The following LTK variants were observed in gnomAD, a reference collection of about 807,000 sequenced individuals.
LTK encodes leukocyte receptor tyrosine kinase.
Under a neutral mutation model 101.5 loss-of-function variants are expected in LTK, and 117 were observed. That is an observed-to-expected ratio of 1.15 (90% CI 0.99 to 1.34). LTK has a LOEUF of 1.34. Ranked by LOEUF, LTK falls within the 40% of genes most tolerant of loss-of-function variation. The pLI, the probability that LTK is intolerant of heterozygous loss-of-function variation, is 0.00. For missense variants in LTK, 1,252 were observed against 1,164.7 expected, an observed-to-expected ratio of 1.07 and a Z score of -1.09; for synonymous variants, 563 against 494.2, an observed-to-expected ratio of 1.14 and a Z score of -1.85.
At chr15:41,507,773 C>G (rs1362936853) in intron 9 of LTK, 116 bp from the exon 10 acceptor site, 7 of 1,180,896 alleles carry the variant, frequency 5.9e-6, no homozygotes, top group Non-Finnish European at 8.2e-6. Context: ...ATGCCTTCCC[C>G]CATTATCCTG....
At chr15:41,507,041 T>G in intron 11 of LTK, 54 bp downstream of exon 11, 1 of 1,518,958 alleles carries the variant, frequency 6.6e-7, no homozygotes, top group Non-Finnish European at 9.0e-7. Flanking sequence ...AGGGAGAGAA[T>G]CAGAGGTGGG....
At chr15:41,510,654 G>A (rs183260207) in intron 7 of LTK, among the ~76,000 whole-genome samples, 2 of 152,202 alleles carry the variant, frequency 1.3e-5, no homozygotes, top group Non-Finnish European at 2.9e-5. Flanking sequence ...TACAGACAGG[G>A]TTTCACAGGT....
chr15:41,509,239 A>G (rs1391977376), intron 7 of LTK, 110 bp from the exon 8 acceptor site: 3 of 738,662 alleles, frequency 4.1e-6, no homozygotes, highest in Non-Finnish European at 7.3e-6. Context: ...CAGCATCATG[A>G]TGCAAATGCT....
rs775797071 is a variant in LTK at position 41,509,128 on chromosome 15, C to G, written c.999G>C (p.Gly333=). 1 of 1,601,118 alleles carries G rather than the reference C, an allele frequency of 6.2e-7. No individual in the cohort carries two copies. The highest frequency in any genetic ancestry group is 1.1e-5 in the South Asian group (1 of 90,822). Reference sequence around the variant, plus strand: ...GGTTGTCAGTCTCTGAAGCGTCGCCCCCTGGAAGTGGAGAGTGATGGAGAG... The same window carrying G: ...GGTTGTCAGTCTCTGAAGCGTCGCCGCCTGGAAGTGGAGAGTGATGGAGAG... ...TAGGGGGGYR[G]GDASETDNLW... is the part of the protein sequence containing the mutation. Residue 333 remains glycine (G), a splice_region_variant and synonymous_variant, in exon 8 of 20, where the codon GGG becomes GGC. Coordinates refer to ENST00000263800, the MANE Select transcript of LTK (RefSeq NM_002344.6).
At chr15:41,510,286 G>A (rs544116642) in intron 7 of LTK, among the ~76,000 whole-genome samples, 1 of 152,090 alleles carries the variant, frequency 6.6e-6, no homozygotes, top group Non-Finnish European at 1.5e-5. Context: ...GATTACAGGC[G>A]TGAGCCACCG....
rs2140728150 is a variant in LTK at position 41,511,247 on chromosome 15, GC to G, written c.913del (p.Ala305ArgfsTer69). Reference sequence around the variant, plus strand: ...GCCGGCCGCGGCCCAGCCAAGGGTCGCCCAAGCCTCGGAGCAGCCCTGGCCG... The same window carrying G: ...GCCGGCCGCGGCCCAGCCAAGGGTCGCCAAGCCTCGGAGCAGCCCTGGCCG... ...EGGQGCSEAW[A>X]TLGWAAAGGF... On this transcript the variant is annotated frameshift_variant, in exon 7 of 20. Coordinates refer to ENST00000263800, the MANE Select transcript of LTK (RefSeq NM_002344.6). LOFTEE classifies it high-confidence loss of function. This position sits in a 1 kb window ranked among gnomAD's most constrained non-coding sequence, Gnocchi z 5.9. 7.0e-7 allele frequency: 1 copy of G among 1,423,112 alleles called. No homozygotes were observed. The highest frequency in any genetic ancestry group is 9.2e-7 in the Non-Finnish European group (1 of 1,092,240). The allele number at this position is 1,423,112 out of a possible 1,614,324, so 88.2% of individuals were successfully genotyped here.
Position 41,513,755 on chromosome 15 carries a change from A to G in LTK, c.-46T>C, listed in dbSNP as rs372897286. ...AACAAAAGCCCTTGCGGTCGCGGCC[A>G]CACCCCTGTCAACCTAAAGTTGACA... On this transcript the variant is annotated 5_prime_UTR_variant, in exon 1 of 20. Coordinates refer to ENST00000263800, the MANE Select transcript of LTK (RefSeq NM_002344.6). 316 of 1,563,384 alleles carry G rather than the reference A, an allele frequency of 2.0e-4. No homozygotes were observed. Among genetic ancestry groups the G allele is most frequent in the Non-Finnish European group, 2.7e-4 (310 of 1,134,464 alleles).
chr15:41,511,193 G>C lies in LTK; in HGVS notation c.968C>G (p.Thr323Ser). 7.1e-7 allele frequency: 1 copy of C among 1,409,148 alleles called. No individual in the cohort carries two copies. Among genetic ancestry groups the C allele is most frequent in the South Asian group, 1.6e-5 (1 of 64,244 alleles). 87.3% of individuals were successfully genotyped at this position (1,409,148 alleles called of 1,614,324 possible). ...GTAGCCGCCGCCGCCTCCGCCCGCA[G>C]TGCAGGCCCCGCCGCCGCCCCCGAA... ...GGFGGGGGACTAGGGGGGYRG... is the reference protein window; with the variant it reads ...GGFGGGGGACSAGGGGGGYRG... Residue 323 changes from threonine (T) to serine (S), a missense_variant, in exon 7 of 20, where the codon ACT (threonine) becomes AGT (serine). Transcript: ENST00000263800. The surrounding 1 kb of genome is among the most constrained non-coding windows in gnomAD (Gnocchi z 5.9).
Position 41,511,693 on chromosome 15 carries a change from C to T in LTK, c.658-115G>A. ...ATAAGGGCAGGGGCCCCCAGCCCAG[C>T]CCAGGCCAGCCCAGCCCAGCGCAGG... On this transcript the variant is annotated intron_variant, in intron 5 of 19. Transcript: ENST00000263800. This position sits in a 1 kb window ranked among gnomAD's most constrained non-coding sequence, Gnocchi z 5.9. 7.2e-7 allele frequency: 1 copy of T among 1,397,088 alleles called. No individual in the cohort carries two copies. The highest frequency in any genetic ancestry group is 9.3e-7 in the Non-Finnish European group (1 of 1,076,394). 86.5% of individuals were successfully genotyped at this position (1,397,088 alleles called of 1,614,324 possible).
At chr15:41,510,321 C>T (rs1566871921) in intron 7 of LTK, among the ~76,000 whole-genome samples, 1 of 151,700 alleles carries the variant, frequency 6.6e-6, no homozygotes, top group Non-Finnish European at 1.5e-5. Context: ...TAGCGATTTT[C>T]AAGAATACAT....
chr15:41,508,068 C>A lies in LTK; in HGVS notation c.1249+1G>T, dbSNP rs1309526870. The A allele has an allele frequency of 3.1e-6, 5 of 1,599,670 alleles. No homozygotes were observed. ...AGACCTTGGGCAAAGGTAGGACATA[C>A]CCATGCAGGTGACGTTATCCACAGC... On this transcript the variant is annotated splice_donor_variant, in intron 9 of 19. Transcript: ENST00000263800. LOFTEE classifies it high-confidence loss of function.
chr15:41,513,530 A>G (rs1309421526), intron 1 of LTK, 137 bp downstream of exon 1: 4 of 805,080 alleles, frequency 5.0e-6, no homozygotes, highest in Non-Finnish European at 8.6e-6. Flanking sequence ...CTCCAGAAGC[A>G]CGGACCGGAG....
intron 16 of LTK, 28 bp downstream of exon 16, chr15:41,504,944 G>A (rs780084431): frequency 3.7e-6 from 6 of 1,600,252 alleles, no homozygotes; most frequent in Non-Finnish European, 4.3e-6. Context: ...CTTGGAGCAA[G>A]AGCCTTCCCA....
chr15:41,509,228 C>G (rs2051380126), intron 7 of LTK, 99 bp from the exon 8 acceptor site: 8 of 768,180 alleles, frequency 1.0e-5, no homozygotes, highest in Non-Finnish European at 4.7e-6. Flanking sequence ...CCTCTCTTCT[C>G]CAGCATCATG....
chr15:41,508,200 A>G lies in LTK; in HGVS notation c.1118T>C (p.Val373Ala). Residue 373 changes from valine to alanine, a missense_variant, in exon 9 of 20, where the codon GTA becomes GCA. Coordinates refer to ENST00000263800, the MANE Select transcript of LTK (RefSeq NM_002344.6). ...PLAVTENHGEVEIRRHLNCSH... is the reference protein window; with the variant it reads ...PLAVTENHGEAEIRRHLNCSH... ...GCAGTTGAGGTGCCTTCGGATCTCT[A>G]CCTCTCCGTGGTTCTCGGTGACTGT... 1 of 1,603,624 alleles carries G rather than the reference A, an allele frequency of 6.2e-7. No individual in the cohort carries two copies. The highest frequency in any genetic ancestry group is 8.5e-7 in the Non-Finnish European group (1 of 1,175,092).
rs776463163 is a variant in LTK at position 41,512,715 on chromosome 15, G to C, written c.351C>G (p.Gly117=). The change falls in exon 3 of 20, where the codon GGC becomes GGG. Residue 117 remains glycine (G), a synonymous_variant. Coordinates refer to ENST00000263800, the MANE Select transcript of LTK (RefSeq NM_002344.6). Reference sequence around the variant, plus strand: ...CTCCGCCGTGCACTTACAGATACTGGCCAGGGCCCGGCACGCGCCACAGCT... The same window carrying C: ...CTCCGCCGTGCACTTACAGATACTGCCCAGGGCCCGGCACGCGCCACAGCT... The part of the protein sequence containing the change: ...GVQLWRVPGP[G]QYLISAYGAA... 2 of 1,590,076 alleles carry C rather than the reference G, an allele frequency of 1.3e-6. No homozygotes were observed. Among genetic ancestry groups the C allele is most frequent in the African/African-American group, 2.7e-5 (2 of 74,354 alleles).
Position 41,511,595 on chromosome 15 carries a change from G to C in LTK, c.658-17C>G, listed in dbSNP as rs780806308. 26 of 1,433,926 alleles carry C rather than the reference G, an allele frequency of 1.8e-5. No homozygotes were observed. The African/African-American group carries it at 3.1e-4, about 17-fold the overall frequency. 88.8% of individuals were successfully genotyped at this position (1,433,926 alleles called of 1,614,324 possible). A position where few individuals can be genotyped will look rare whatever the true frequency, so the allele number is the denominator to read the frequency against. ...AGCGCGCACCTGTGGGGCCAGCGGCGTGTTCCAGGAAGCGCCCTCCAGCTG... is the reference window on the plus strand; with the variant it reads ...AGCGCGCACCTGTGGGGCCAGCGGCCTGTTCCAGGAAGCGCCCTCCAGCTG... On this transcript the variant is annotated splice_polypyrimidine_tract_variant and intron_variant, in intron 5 of 19. Transcript: ENST00000263800. The surrounding 1 kb of genome is among the most constrained non-coding windows in gnomAD (Gnocchi z 5.9).
intron 1 of LTK, among the ~76,000 whole-genome samples, 157 bp from the exon 2 acceptor site, chr15:41,513,277 G>A (rs2051554545): frequency 1.3e-5 from 2 of 151,690 alleles, no homozygotes; most frequent in South Asian, 4.2e-4. Flanking sequence ...CCCGACTCCG[G>A]TCGCAGAAGC....
At chr15:41,513,401 A>G (rs916130892) in intron 1 of LTK, among the ~76,000 whole-genome samples, 1 of 152,150 alleles carries the variant, frequency 6.6e-6, no homozygotes, top group African/African-American at 2.4e-5. Flanking sequence ...TGCTTTCCTC[A>G]ACTTAGATTG....
Sources: allele counts gnomAD v4.1 joint callset (sites outside exome capture counted in the v4.1 genomes callset), GRCh38; gene constraint gnomAD v4.1.1; non-coding constraint Gnocchi (gnomAD v3.1); transcripts MANE v1.5; gene names NCBI Gene and HGNC (gene_info 2026-07-23, HGNC 2026-07-21).